The following STK33 variants were observed in gnomAD, a reference collection of about 807,000 sequenced individuals.
STK33 encodes serine/threonine-protein kinase 33.
A neutral mutation model predicts 58.0 loss-of-function variants in STK33; 52 were observed. The observed-to-expected ratio is 0.90, with a 90% CI of 0.72 to 1.13. The LOEUF (loss-of-function observed/expected upper bound fraction) is 1.13. STK33 is among the 50% of genes most tolerant of loss of function. The probability of loss-of-function intolerance (pLI) is 0.00; values close to 1 mark genes in which losing one functional copy is unlikely to be tolerated. For synonymous variants in STK33, 215 were observed against 200.1 expected (o/e 1.07, Z -0.63); for missense variants, 630 against 604.2 (o/e 1.04, Z -0.45).
chr11:8,394,306 C>A (rs1848986817), intron 15 of STK33, among the ~76,000 whole-genome samples: 1 of 152,144 alleles, frequency 6.6e-6, no homozygotes, highest in Admixed American at 6.5e-5. Context: ...AAGATATACA[C>A]CCTATCTTTA....
intron 1 of STK33, among the ~76,000 whole-genome samples, chr11:8,551,737 T>C (rs1292689254): frequency 6.6e-6 from 1 of 152,188 alleles, no homozygotes; most frequent in Admixed American, 6.5e-5. Context: ...ACTATATTGC[T>C]GTCCCGTTAT....
chr11:8,348,319 C>A, the STK33 span, among the ~76,000 whole-genome samples: 1 of 152,164 alleles, frequency 6.6e-6, no homozygotes, highest in Non-Finnish European at 1.5e-5. Flanking sequence ...TGCAGGGCTG[C>A]AGACACCTCA....
chr11:8,449,801 A>T (rs542001570), intron 11 of STK33, among the ~76,000 whole-genome samples: 2 of 152,174 alleles, frequency 1.3e-5, no homozygotes, highest in African/African-American at 4.8e-5. Flanking sequence ...AGAAAGAAAA[A>T]AGCTCATCAT....
chr11:8,412,549 A>G (rs1940434275), intron 15 of STK33, among the ~76,000 whole-genome samples: 1 of 152,166 alleles, frequency 6.6e-6, no homozygotes, highest in Non-Finnish European at 1.5e-5. Context: ...GGAGGGGTGT[A>G]GGCCAGCAAT....
At chr11:8,355,038 C>G in the STK33 span, among the ~76,000 whole-genome samples, 1 of 152,256 alleles carries the variant, frequency 6.6e-6, no homozygotes, top group Non-Finnish European at 1.5e-5. Context: ...AGGAGGGGAA[C>G]GACGGGTTCA....
chr11:8,472,592 A>C (rs961678718), intron 6 of STK33, among the ~76,000 whole-genome samples: 1 of 152,200 alleles, frequency 6.6e-6, no homozygotes, highest in African/African-American at 2.4e-5. Flanking sequence ...AAGCAATTTA[A>C]ATGGTAATAT....
At chr11:8,573,814 A>G (rs1366950002) in intron 1 of STK33, among the ~76,000 whole-genome samples, 2 of 152,214 alleles carry the variant, frequency 1.3e-5, no homozygotes, top group South Asian at 2.1e-4. Flanking sequence ...AAAAAAGCCA[A>G]TCTCAAAAGG....
the STK33 span, among the ~76,000 whole-genome samples, chr11:8,357,307 A>G: frequency 2.0e-5 from 3 of 152,244 alleles, no homozygotes; most frequent in Non-Finnish European, 4.4e-5. Flanking sequence ...GTTTGTGGAC[A>G]GCTGGGAGCC....
At chr11:8,406,231 T>A (rs1168201132) in intron 15 of STK33, among the ~76,000 whole-genome samples, 1 of 152,168 alleles carries the variant, frequency 6.6e-6, no homozygotes, top group Non-Finnish European at 1.5e-5. Context: ...ACTAATCTAT[T>A]TGTTTATCCT....
chr11:8,504,388 G>A (rs1304038724), intron 1 of STK33, among the ~76,000 whole-genome samples: 1 of 152,118 alleles, frequency 6.6e-6, no homozygotes, highest in African/African-American at 2.4e-5. Flanking sequence ...CATTTCCAGG[G>A]GTAGCGGTTG....
At chr11:8,385,433 T>C in the STK33 span, among the ~76,000 whole-genome samples, 2 of 152,174 alleles carry the variant, frequency 1.3e-5, no homozygotes, top group Admixed American at 6.5e-5. Context: ...CTGGACTCCA[T>C]CAAGCTCTTC....
intron 1 of STK33, among the ~76,000 whole-genome samples, chr11:8,579,875 A>T (rs1591885949): frequency 6.6e-6 from 1 of 152,222 alleles, no homozygotes; most frequent in Admixed American, 6.5e-5. Context: ...GGTGTTCAAC[A>T]TCACTGATCA....
At chr11:8,398,165 T>G (rs1373721384) in intron 15 of STK33, among the ~76,000 whole-genome samples, 1 of 152,098 alleles carries the variant, frequency 6.6e-6, no homozygotes, top group Non-Finnish European at 1.5e-5. Context: ...ATTGTCAGAT[T>G]CACCAAAGTT....
chr11:8,536,376 C>CAA (rs1955002527), intron 1 of STK33, among the ~76,000 whole-genome samples: 1 of 151,958 alleles, frequency 6.6e-6, no homozygotes, highest in African/African-American at 2.4e-5. Context: ...GACTTCAGAG[C>CAA]AAAATTAATT....
intron 1 of STK33, among the ~76,000 whole-genome samples, chr11:8,523,320 C>G (rs1411864212): frequency 6.6e-6 from 1 of 151,130 alleles, no homozygotes; most frequent in Non-Finnish European, 1.5e-5. Flanking sequence ...TGCCTCTTCC[C>G]AGCCGCCATC....
chr11:8,502,257 C>T (rs1951570818), intron 1 of STK33, among the ~76,000 whole-genome samples: 1 of 151,872 alleles, frequency 6.6e-6, no homozygotes, highest in African/African-American at 2.4e-5. Context: ...GCTACAGTAA[C>T]CAAAAAAGCA....
At chr11:8,535,077 T>C (rs1389068863) in intron 1 of STK33, among the ~76,000 whole-genome samples, 1 of 152,292 alleles carries the variant, frequency 6.6e-6, no homozygotes, top group South Asian at 2.1e-4. Flanking sequence ...ATTTCCTTTA[T>C]ACAAAATAGA....
chr11:8,353,707 A>G, the STK33 span, among the ~76,000 whole-genome samples: 1 of 152,122 alleles, frequency 6.6e-6, no homozygotes, highest in Admixed American at 6.5e-5. Context: ...TCCTCGGAGG[A>G]GGCCTGGGGG....
At chr11:8,572,171 G>A (rs1224028081) in intron 1 of STK33, among the ~76,000 whole-genome samples, 2 of 151,974 alleles carry the variant, frequency 1.3e-5, no homozygotes, top group African/African-American at 4.8e-5. Context: ...TCTCATACAG[G>A]ATTTGGGAAC....
Sources: allele counts gnomAD v4.1 joint callset (sites outside exome capture counted in the v4.1 genomes callset), GRCh38; gene constraint gnomAD v4.1.1; transcripts MANE v1.5; gene names NCBI Gene and HGNC (gene_info 2026-07-23, HGNC 2026-07-21).